ADTRP: variants seen among roughly 807,000 people sequenced by gnomAD.
The protein encoded by ADTRP is androgen dependent TFPI regulating protein, also known as androgen-dependent TFPI-regulating protein.
In ADTRP, 20 loss-of-function variants were observed where a neutral mutation model predicts 27.0. That is an observed-to-expected ratio of 0.74 (90% CI 0.52 to 1.08). The LOEUF is 1.08. ADTRP is among the 50% of genes least tolerant of loss of function. ADTRP has a pLI of 0.00. For synonymous variants in ADTRP, 101 were observed against 105.2 expected (o/e 0.96, Z 0.25); for missense variants, 251 against 275.0 (o/e 0.91, Z 0.62).
intron 3 of ADTRP, among the ~76,000 whole-genome samples, chr6:11,750,757 C>T (rs1581346759): frequency 6.6e-6 from 1 of 152,144 alleles, no homozygotes; most frequent in East Asian, 1.9e-4. Flanking sequence ...GATGCCTATC[C>T]CTTTAAAATG....
At chr6:11,728,465 C>A (rs1435183933) in intron 4 of ADTRP, 1 of 152,422 alleles carries the variant, frequency 6.6e-6, no homozygotes, top group Non-Finnish European at 1.5e-5. Flanking sequence ...CACCTCTGAC[C>A]TTTTTGTTTC....
chr6:11,776,828 G>C (rs1012237226), intron 1 of ADTRP, among the ~76,000 whole-genome samples: 2 of 152,202 alleles, frequency 1.3e-5, no homozygotes, highest in African/African-American at 4.8e-5. Context: ...TCGGGAGTTT[G>C]ACATTGGGTC....
chr6:11,770,403 C>A (rs948120402), intron 1 of ADTRP, among the ~76,000 whole-genome samples: 1 of 152,016 alleles, frequency 6.6e-6, no homozygotes. Flanking sequence ...TGGGGAGATG[C>A]AGGCTGTTGA....
chr6:11,770,164 GACA>G, intron 1 of ADTRP: 2 of 1,311,802 alleles, frequency 1.5e-6, no homozygotes, highest in Non-Finnish European at 2.1e-6. Context: ...TCAGAAGAGA[GACA>G]ATTATCTCCA....
intron 5 of ADTRP, chr6:11,717,177 A>G: frequency 2.2e-6 from 2 of 928,116 alleles, no homozygotes; most frequent in South Asian, 1.8e-5. Flanking sequence ...TTGATTGAGA[A>G]GCATTTTTCC....
intron 3 of ADTRP, among the ~76,000 whole-genome samples, chr6:11,758,666 T>C (rs1238556813): frequency 1.3e-5 from 2 of 150,028 alleles, no homozygotes; most frequent in African/African-American, 4.9e-5. Context: ...CATGTATACA[T>C]ATGTAACTAA....
At chr6:11,755,452 AAC>A (rs1333124029) in intron 3 of ADTRP, among the ~76,000 whole-genome samples, 1 of 152,246 alleles carries the variant, frequency 6.6e-6, no homozygotes, top group Non-Finnish European at 1.5e-5. Context: ...GAAGAAAGCA[AAC>A]ACAGTGAGTG....
intron 4 of ADTRP, 82 bp downstream of exon 4, chr6:11,735,486 G>C: frequency 2.1e-6 from 2 of 955,174 alleles, no homozygotes; most frequent in South Asian, 3.1e-5. Context: ...AAGGGATTCT[G>C]ACAGAACAGT....
At chr6:11,727,154 T>A (rs1362499819) in intron 4 of ADTRP, among the ~76,000 whole-genome samples, 5 of 152,204 alleles carry the variant, frequency 3.3e-5, no homozygotes, top group Non-Finnish European at 7.3e-5. Context: ...CCCGAGTAGC[T>A]GGGTTTACAG....
intron 5 of ADTRP, among the ~76,000 whole-genome samples, chr6:11,717,915 C>T (rs2113867701): frequency 6.6e-6 from 1 of 152,322 alleles, no homozygotes; most frequent in East Asian, 1.9e-4. Flanking sequence ...TTTAGAAGTA[C>T]CTGTGGAGTC....
At chr6:11,725,246 T>G (rs1008079391) in intron 4 of ADTRP, among the ~76,000 whole-genome samples, 1 of 152,172 alleles carries the variant, frequency 6.6e-6, no homozygotes, top group East Asian at 1.9e-4. Context: ...ATCCATGGAA[T>G]GGGAAACAAT....
At chr6:11,720,823 A>G (rs897244468) in intron 5 of ADTRP, among the ~76,000 whole-genome samples, 3 of 150,740 alleles carry the variant, frequency 2.0e-5, no homozygotes, top group Non-Finnish European at 4.4e-5. Flanking sequence ...TACTCCTTAA[A>G]CTCCCTGCCC....
intron 5 of ADTRP, among the ~76,000 whole-genome samples, chr6:11,715,806 CTTTTTTTTTTTTTTTTT>C (rs55961408): frequency 2.6e-5 from 2 of 77,700 alleles, no homozygotes; most frequent in Admixed American, 1.6e-4. Flanking sequence ...CCATGCCCAG[CTTTTTTTTTTTTTTTTT>C]TTTTTTTTTT....
At chr6:11,743,963 T>G (rs1325026723) in intron 3 of ADTRP, among the ~76,000 whole-genome samples, 1 of 152,202 alleles carries the variant, frequency 6.6e-6, no homozygotes, top group Non-Finnish European at 1.5e-5. Flanking sequence ...TGGGAGTCAA[T>G]ACACTTGGAT....
intron 3 of ADTRP, among the ~76,000 whole-genome samples, chr6:11,746,010 C>T (rs1475548980): frequency 2.0e-5 from 3 of 152,084 alleles, no homozygotes; most frequent in South Asian, 2.1e-4. Flanking sequence ...AGGCTGGTCT[C>T]GAACTCCTGA....
chr6:11,774,037 G>A (rs1315555888), intron 1 of ADTRP, among the ~76,000 whole-genome samples: 1 of 152,146 alleles, frequency 6.6e-6, no homozygotes, highest in African/African-American at 2.4e-5. Flanking sequence ...GGTTGGGTGC[G>A]GTGGCTCACG....
At chr6:11,740,226 C>T (rs1341742091) in intron 3 of ADTRP, among the ~76,000 whole-genome samples, 1 of 152,178 alleles carries the variant, frequency 6.6e-6, no homozygotes, top group Non-Finnish European at 1.5e-5. Flanking sequence ...TGGCTCTTCC[C>T]AAACTGAGGT....
intron 3 of ADTRP, among the ~76,000 whole-genome samples, chr6:11,741,374 T>C (rs1762710028): frequency 6.6e-6 from 1 of 152,262 alleles, no homozygotes; most frequent in Non-Finnish European, 1.5e-5. Flanking sequence ...TCAACCTTGC[T>C]TTATGTTTGA....
At chr6:11,724,862 C>T (rs1045171269) in intron 4 of ADTRP, among the ~76,000 whole-genome samples, 1 of 152,236 alleles carries the variant, frequency 6.6e-6, no homozygotes, top group African/African-American at 2.4e-5. Context: ...TAATATTTGA[C>T]AAGAGTTCAA....
Sources: allele counts gnomAD v4.1 joint callset (sites outside exome capture counted in the v4.1 genomes callset), GRCh38; gene constraint gnomAD v4.1.1; transcripts MANE v1.5; gene names NCBI Gene and HGNC (gene_info 2026-07-23, HGNC 2026-07-21).